MED13L: variants seen among roughly 807,000 people sequenced by gnomAD.
The protein encoded by MED13L is mediator of RNA polymerase II transcription subunit 13-like.
In MED13L, 7 loss-of-function variants were observed where a neutral mutation model predicts 220.9. The ratio of observed to expected loss-of-function variants is 0.03; its 90% confidence interval spans 0.02 to 0.06. MED13L has a LOEUF of 0.06. Among genes scored for constraint, MED13L ranks in the 10% least tolerant of loss-of-function variants. MED13L has a pLI of 1.00. For missense variants in MED13L, 1,965 were observed against 2,760.5 expected (o/e 0.71, Z 6.46); for synonymous variants, 1,011 against 1,015.2 (o/e 1.00, Z 0.08).
intron 5 of MED13L, among the ~76,000 whole-genome samples, chr12:116,020,636 T>A (rs1248523716): frequency 6.6e-6 from 1 of 152,208 alleles, no homozygotes; most frequent in African/African-American, 2.4e-5. Flanking sequence ...TAAAATTTGA[T>A]TTAACTCAAA....
intron 1 of MED13L, among the ~76,000 whole-genome samples, chr12:116,238,960 T>C (rs1044673654): frequency 6.6e-5 from 10 of 152,036 alleles, no homozygotes; most frequent in South Asian, 2.1e-4. Context: ...CCGGGCGTGG[T>C]GGCGTGTGCC....
chr12:115,986,568 G>T, intron 18 of MED13L, 79 bp from the exon 19 acceptor site: 1 of 1,295,648 alleles, frequency 7.7e-7, no homozygotes, highest in Non-Finnish European at 1.1e-6. Flanking sequence ...CTGGTGCACT[G>T]GTCTTAATTC....
At chr12:116,226,345 T>C (rs1483005381) in intron 2 of MED13L, among the ~76,000 whole-genome samples, 2 of 152,202 alleles carry the variant, frequency 1.3e-5, no homozygotes, top group Admixed American at 6.5e-5. Flanking sequence ...GACCCAATTA[T>C]ACTAAGAGTG....
intron 4 of MED13L, among the ~76,000 whole-genome samples, chr12:116,039,855 G>A (rs1881418230): frequency 6.6e-6 from 1 of 152,084 alleles, no homozygotes; most frequent in Non-Finnish European, 1.5e-5. Flanking sequence ...TAGTTAGTAT[G>A]GAACTGAGGA....
chr12:116,176,876 CAA>C (rs11285058), intron 2 of MED13L, among the ~76,000 whole-genome samples: 2,794 of 74,148 alleles, frequency 0.038, 27 homozygotes, highest in Middle Eastern at 0.087. Context: ...AGAACTCAGC[CAA>C]AAAAAAAAAA....
intron 24 of MED13L, 96 bp downstream of exon 24, chr12:115,975,419 G>A: frequency 1.9e-6 from 3 of 1,593,418 alleles, no homozygotes; most frequent in Non-Finnish European, 2.6e-6. Context: ...TATCCATGCT[G>A]TACCCACTTC....
intron 2 of MED13L, among the ~76,000 whole-genome samples, chr12:116,128,063 A>T (rs932187470): frequency 2.0e-5 from 3 of 152,196 alleles, no homozygotes; most frequent in African/African-American, 7.2e-5. Flanking sequence ...CTCTAATGGA[A>T]AGTAGTCCTG....
chr12:115,966,524 G>A (rs978495264), intron 28 of MED13L, among the ~76,000 whole-genome samples: 1 of 152,182 alleles, frequency 6.6e-6, no homozygotes, highest in African/African-American at 2.4e-5. Context: ...ATGGCATTAT[G>A]ATGTAACAAA....
intron 1 of MED13L, among the ~76,000 whole-genome samples, chr12:116,252,017 C>T (rs1871609949): frequency 6.6e-6 from 1 of 151,608 alleles, no homozygotes; most frequent in African/African-American, 2.4e-5. Flanking sequence ...TGTCTAGGCA[C>T]CTAATAACAG....
At chr12:116,062,488 GTT>G (rs56251325) in intron 4 of MED13L, among the ~76,000 whole-genome samples, 163 of 97,330 alleles carry the variant, frequency 1.7e-3, no homozygotes, top group African/African-American at 3.6e-3. Flanking sequence ...CTCTCTCTGT[GTT>G]TTTTTTTTTT....
At chr12:116,259,453 C>A (rs774118165) in intron 1 of MED13L, among the ~76,000 whole-genome samples, 30 of 151,896 alleles carry the variant, frequency 2.0e-4, no homozygotes, top group Non-Finnish European at 3.5e-4. Flanking sequence ...TAAAAATATA[C>A]ATATAAATAC....
intron 2 of MED13L, chr12:116,181,434 C>T (rs1360406674): frequency 6.6e-6 from 1 of 152,186 alleles, no homozygotes; most frequent in Non-Finnish European, 1.5e-5. Flanking sequence ...CTGGTACTGG[C>T]AAGTTACATA....
At chr12:116,172,386 CTA>C (rs1879744577) in intron 2 of MED13L, among the ~76,000 whole-genome samples, 1 of 152,178 alleles carries the variant, frequency 6.6e-6, no homozygotes, top group African/African-American at 2.4e-5. Context: ...AGGTAGCCTG[CTA>C]TGTCACTGCC....
intron 1 of MED13L, among the ~76,000 whole-genome samples, chr12:116,254,053 A>G (rs1021247070): frequency 1.3e-5 from 2 of 151,896 alleles, no homozygotes; most frequent in African/African-American, 4.8e-5. Flanking sequence ...GAGCCCAGCC[A>G]CTTTCACGGT....
At chr12:116,209,973 C>G (rs192667537) in intron 2 of MED13L, among the ~76,000 whole-genome samples, 1 of 152,316 alleles carries the variant, frequency 6.6e-6, no homozygotes, top group East Asian at 1.9e-4. Context: ...TTAACCATTT[C>G]TCCCTTAAAT....
At chr12:116,024,619 C>CT (rs1880257571) in intron 4 of MED13L, among the ~76,000 whole-genome samples, 1 of 152,038 alleles carries the variant, frequency 6.6e-6, no homozygotes, top group Non-Finnish European at 1.5e-5. Context: ...TGTGCAGAAG[C>CT]TTTTTACTTT....
chr12:116,131,898 C>G (rs868823967), intron 2 of MED13L, among the ~76,000 whole-genome samples: 6 of 152,052 alleles, frequency 3.9e-5, no homozygotes, highest in Non-Finnish European at 7.4e-5. Context: ...GGGAGAATCA[C>G]TTGAGCCTAG....
intron 1 of MED13L, among the ~76,000 whole-genome samples, chr12:116,251,308 C>CTTTTTTTT (rs61533775): frequency 1.4e-4 from 12 of 87,892 alleles, no homozygotes; most frequent in African/African-American, 1.8e-4. Flanking sequence ...ATCATGGATC[C>CTTTTTTTT]TTTTTTTTTT....
intron 2 of MED13L, among the ~76,000 whole-genome samples, chr12:116,160,231 A>G (rs1565905872): frequency 1.3e-5 from 2 of 152,232 alleles, no homozygotes; most frequent in Non-Finnish European, 2.9e-5. Context: ...AGTCCCAAAT[A>G]ACGTTCAATT....
Sources: allele counts gnomAD v4.1 joint callset (sites outside exome capture counted in the v4.1 genomes callset), GRCh38; gene constraint gnomAD v4.1.1; transcripts MANE v1.5; gene names NCBI Gene and HGNC (gene_info 2026-07-23, HGNC 2026-07-21).